ZSWIM5: variants seen among roughly 807,000 people sequenced by gnomAD.
ZSWIM5 encodes zinc finger SWIM-type containing 5.
A neutral mutation model predicts 119.6 loss-of-function variants in ZSWIM5; 55 were observed. That is an observed-to-expected ratio of 0.46 (90% confidence interval 0.37 to 0.58). The LOEUF is 0.58. Ranked by LOEUF, ZSWIM5 falls within the 20% of genes least tolerant of loss-of-function variation. ZSWIM5 has a pLI of 0.00. For missense variants in ZSWIM5, 1,193 were observed against 1,512.8 expected (o/e 0.79, Z 3.51); for synonymous variants, 537 against 606.9 (o/e 0.88, Z 1.69).
rs1415160682 is a variant in ZSWIM5 at position 45,147,892 on chromosome 1, T to TA, written c.595+57863dup. Among the ~76,000 whole-genome samples, 6 of 150,456 alleles carry TA rather than the reference T, an allele frequency of 4.0e-5. No individual in the cohort carries two copies. The South Asian group carries it at 8.4e-4, about 21-fold the overall frequency. On this transcript the variant is annotated intron_variant, in intron 1 of 13. Transcript: ENST00000359600. ...CCCACAGAAAAGAGGAAAATTGCAA[T>TA]AAAAAAAATAAAAACAGAGAGATGT...
intron 2 of ZSWIM5, among the ~76,000 whole-genome samples, chr1:45,063,785 G>T (rs955202417): frequency 2.0e-5 from 3 of 152,026 alleles, no homozygotes; most frequent in Non-Finnish European, 4.4e-5. Context: ...GAGGTCAGGA[G>T]ATCGAGACCA....
At chr1:45,024,915 A>G (rs776709889) in intron 11 of ZSWIM5, among the ~76,000 whole-genome samples, 1 of 151,374 alleles carries the variant, frequency 6.6e-6, no homozygotes, top group East Asian at 2.0e-4. Context: ...TCAGCCTCCC[A>G]AAGTGCTGGG....
intron 2 of ZSWIM5, among the ~76,000 whole-genome samples, chr1:45,062,707 A>G (rs1034035729): frequency 6.6e-6 from 1 of 151,980 alleles, no homozygotes; most frequent in African/African-American, 2.4e-5. Flanking sequence ...GGGTCTTGCT[A>G]TATTGCCCAG....
At chr1:45,058,252 C>T (rs970467875) in intron 4 of ZSWIM5, among the ~76,000 whole-genome samples, 4 of 152,160 alleles carry the variant, frequency 2.6e-5, no homozygotes, top group South Asian at 2.1e-4. Context: ...AAAGGTCTGG[C>T]TGGGAGTGAT....
Position 45,073,249 on chromosome 1 carries a change from A to AT in ZSWIM5, c.953-13003dup, listed in dbSNP as rs58448888. Among the ~76,000 whole-genome samples the AT allele has an allele frequency of 4.8e-3, 270 of 56,054 alleles. 16 individuals carry two copies. Among genetic ancestry groups the AT allele is most frequent in the African/African-American group, 0.018 (225 of 12,522 alleles). The allele number at this position is 56,054 out of a possible 152,430, so 36.8% of individuals were successfully genotyped here. ...TGTTCGCATATACAATTGCTACTGAATTTTTTTTTTTTTTTTTTTTTTTTT... is the reference window on the plus strand; with the variant it reads ...TGTTCGCATATACAATTGCTACTGAATTTTTTTTTTTTTTTTTTTTTTTTTT... On this transcript the variant is annotated intron_variant, in intron 2 of 13. Coordinates refer to ENST00000359600, the MANE Select transcript of ZSWIM5 (RefSeq NM_020883.2).
chr1:45,025,276 C>T (rs1644914788), intron 11 of ZSWIM5, among the ~76,000 whole-genome samples: 1 of 152,146 alleles, frequency 6.6e-6, no homozygotes, highest in South Asian at 2.1e-4. Context: ...CTGACTTGTT[C>T]TTCAATATTA....
intron 1 of ZSWIM5, among the ~76,000 whole-genome samples, chr1:45,154,781 C>T (rs1233929917): frequency 6.6e-6 from 1 of 152,076 alleles, no homozygotes; most frequent in East Asian, 1.9e-4. Flanking sequence ...ACTTGGGAGG[C>T]TGAGGCAGGA....
chr1:45,139,403 T>C lies in ZSWIM5; in HGVS notation c.596-51166A>G, dbSNP rs543928563. On this transcript the variant is annotated intron_variant, in intron 1 of 13. Transcript: ENST00000359600. Reference sequence around the variant, plus strand: ...CTCTCTCTCTCCTCCTCCCTCCCTCTCTCTCTCTCTCTGCCCCTCTCCCTC... The same window carrying C: ...CTCTCTCTCTCCTCCTCCCTCCCTCCCTCTCTCTCTCTGCCCCTCTCCCTC... Among the ~76,000 whole-genome samples the C allele has an allele frequency of 7.4e-4, 104 of 140,148 alleles. 1 individual carries two copies. The highest frequency in any genetic ancestry group is 2.7e-3 in the African/African-American group (102 of 37,666). The allele number at this position is 140,148 out of a possible 152,430, so 91.9% of individuals were successfully genotyped here. A position where few individuals can be genotyped will look rare whatever the true frequency, so the allele number is the denominator to read the frequency against.
intron 1 of ZSWIM5, among the ~76,000 whole-genome samples, chr1:45,163,760 A>C (rs1645880251): frequency 6.6e-6 from 1 of 152,234 alleles, no homozygotes; most frequent in Non-Finnish European, 1.5e-5. Flanking sequence ...TCAGAAGAGA[A>C]GCTTAGAGAA....
intron 1 of ZSWIM5, among the ~76,000 whole-genome samples, chr1:45,127,053 C>G (rs1645625996): frequency 6.6e-6 from 1 of 152,128 alleles, no homozygotes; most frequent in Admixed American, 6.5e-5. Flanking sequence ...AAACCAAAGA[C>G]AGTATCAAGT....
chr1:45,037,377 C>T (rs1644991901), intron 8 of ZSWIM5, among the ~76,000 whole-genome samples: 1 of 152,172 alleles, frequency 6.6e-6, no homozygotes, highest in African/African-American at 2.4e-5. Flanking sequence ...TCCCAAAGTG[C>T]TGGGATTACA....
chr1:45,139,650 TTTTTC>T (rs1645715111), intron 1 of ZSWIM5, among the ~76,000 whole-genome samples: 1 of 151,190 alleles, frequency 6.6e-6, no homozygotes, highest in Non-Finnish European at 1.5e-5. Context: ...CCCAGCTAAT[TTTTTC>T]TTTTCTTTTT....
At chr1:45,063,057 A>C (rs1400105553) in intron 2 of ZSWIM5, among the ~76,000 whole-genome samples, 1 of 152,124 alleles carries the variant, frequency 6.6e-6, no homozygotes, top group Admixed American at 6.5e-5. Context: ...CCCACTTATA[A>C]GTGAGAACAT....
chr1:45,100,430 C>A (rs1645432596), intron 1 of ZSWIM5, among the ~76,000 whole-genome samples: 1 of 152,226 alleles, frequency 6.6e-6, no homozygotes, highest in African/African-American at 2.4e-5. Flanking sequence ...ACATTCCATG[C>A]TCGTGGATAG....
chr1:45,062,821 AT>A, intron 2 of ZSWIM5, among the ~76,000 whole-genome samples: 1 of 152,176 alleles, frequency 6.6e-6, no homozygotes, highest in East Asian at 1.9e-4. Context: ...TTAAAAAATA[AT>A]TTCAACTCTT....
At chr1:45,200,639 CATT>C (rs1276384440) in intron 1 of ZSWIM5, among the ~76,000 whole-genome samples, 1 of 152,104 alleles carries the variant, frequency 6.6e-6, no homozygotes, top group Non-Finnish European at 1.5e-5. Flanking sequence ...ACACAGTCAT[CATT>C]TTTTATCAAG....
At chr1:45,025,799 C>T (rs1644917255) in intron 11 of ZSWIM5, among the ~76,000 whole-genome samples, 2 of 152,172 alleles carry the variant, frequency 1.3e-5, no homozygotes, top group Non-Finnish European at 2.9e-5. Flanking sequence ...TGTACAATCC[C>T]TGGCTTACAA....
intron 2 of ZSWIM5, among the ~76,000 whole-genome samples, chr1:45,083,063 T>G (rs1645304042): frequency 6.6e-6 from 1 of 152,106 alleles, no homozygotes; most frequent in African/African-American, 2.4e-5. Context: ...AACTCAGGTC[T>G]CAAAAAGGAG....
rs193002898 is a variant in ZSWIM5 at position 45,021,745 on chromosome 1, C to T, written c.2450-957G>A. Among the ~76,000 whole-genome samples, 55 of 152,258 alleles carry T rather than the reference C, an allele frequency of 3.6e-4. 1 individual carries two copies. Among genetic ancestry groups the T allele is most frequent in the Middle Eastern group, 6.8e-3 (2 of 294 alleles). On this transcript the variant is annotated intron_variant, in intron 11 of 13. Transcript: ENST00000359600. ...AAGAGTTTAACAACTTCAGGTTGGG[C>T]GCAGTGGCTCTCGCCTGTAATCCCA...
Sources: gnomAD v4.1 joint callset for allele counts (sites outside exome capture counted in the v4.1 genomes callset) on GRCh38, gnomAD v4.1.1 for gene constraint, MANE v1.5 for transcripts, NCBI Gene and HGNC (gene_info 2026-07-23, HGNC 2026-07-21) for gene names.